Variants in CAP2 observed in about 807,000 individuals in gnomAD.
CAP2 encodes cyclase associated actin cytoskeleton regulatory protein 2.
In CAP2, 24 loss-of-function variants were observed where a neutral mutation model predicts 57.7. That is an observed-to-expected ratio of 0.42 (90% CI 0.30 to 0.58). The LOEUF (loss-of-function observed/expected upper bound fraction) is 0.58, where lower values mean the gene tolerates loss of function less well. Ranked by LOEUF, CAP2 falls within the 20% of genes least tolerant of loss-of-function variation. The pLI is 0.22. For missense variants in CAP2, 501 were observed against 590.3 expected, an observed-to-expected ratio of 0.85 and a Z score of 1.57; for synonymous variants, 194 against 207.2, an observed-to-expected ratio of 0.94 and a Z score of 0.55.
intron 1 of CAP2, among the ~76,000 whole-genome samples, chr6:17,404,290 G>C (rs1428750256): frequency 6.6e-6 from 1 of 152,078 alleles, no homozygotes; most frequent in African/African-American, 2.4e-5. Flanking sequence ...GGCCAACATA[G>C]TAAAACTCTA....
At chr6:17,475,405 T>C (rs1761128013) in intron 4 of CAP2, among the ~76,000 whole-genome samples, 1 of 152,094 alleles carries the variant, frequency 6.6e-6, no homozygotes, top group South Asian at 2.1e-4. Flanking sequence ...CTTGAAAGAG[T>C]ATTCCTTATG....
intron 1 of CAP2, among the ~76,000 whole-genome samples, chr6:17,398,607 C>T (rs1202243444): frequency 6.6e-6 from 1 of 151,514 alleles, no homozygotes; most frequent in Non-Finnish European, 1.5e-5. Flanking sequence ...TCACTGCAAG[C>T]TCTGCCTCCT....
chr6:17,480,881 T>TCTCCTGCCTCAGC (rs1383810937), intron 4 of CAP2, among the ~76,000 whole-genome samples: 3 of 150,894 alleles, frequency 2.0e-5, no homozygotes, highest in African/African-American at 4.9e-5. Context: ...TTCAAGTGAT[T>TCTCCTGCCTCAGC]CTCCTGCCTC....
chr6:17,512,202 C>A (rs533846118), intron 6 of CAP2, among the ~76,000 whole-genome samples: 6 of 152,054 alleles, frequency 3.9e-5, no homozygotes, highest in Admixed American at 1.3e-4. Flanking sequence ...CCAGCCTGGG[C>A]AACATAGTGA....
intron 3 of CAP2, among the ~76,000 whole-genome samples, chr6:17,431,080 T>G (rs1014773689): frequency 1.3e-5 from 2 of 152,114 alleles, no homozygotes; most frequent in Non-Finnish European, 2.9e-5. Flanking sequence ...ATGCTCTCAC[T>G]AATAAGTGGG....
intron 1 of CAP2, among the ~76,000 whole-genome samples, chr6:17,395,582 C>T (rs1295298937): frequency 1.3e-5 from 2 of 152,152 alleles, no homozygotes; most frequent in African/African-American, 4.8e-5. Flanking sequence ...TAATGGGCCA[C>T]ATTCTCTTGA....
chr6:17,453,594 G>T (rs1440781525), intron 3 of CAP2, among the ~76,000 whole-genome samples: 1 of 152,152 alleles, frequency 6.6e-6, no homozygotes, highest in Non-Finnish European at 1.5e-5. Context: ...AAAACCCCAT[G>T]CTAGGCTCAG....
chr6:17,522,881 G>A (rs1049901192), intron 7 of CAP2, among the ~76,000 whole-genome samples: 10 of 152,060 alleles, frequency 6.6e-5, no homozygotes, highest in Non-Finnish European at 1.5e-4. Context: ...TGCAACCTCC[G>A]CATTCTGGGT....
intron 1 of CAP2, among the ~76,000 whole-genome samples, chr6:17,395,027 TTAA>T (rs1354705414): frequency 4.6e-5 from 7 of 152,262 alleles, no homozygotes; most frequent in Admixed American, 4.6e-4. Flanking sequence ...TAAAAAATTC[TTAA>T]TAACATTACA....
At chr6:17,518,950 A>G (rs1036189921) in intron 7 of CAP2, among the ~76,000 whole-genome samples, 2 of 152,106 alleles carry the variant, frequency 1.3e-5, no homozygotes, top group African/African-American at 2.4e-5. Flanking sequence ...GAGGTTTTTC[A>G]AAAAAACCCA....
At chr6:17,407,392 C>T (rs930484512) in intron 1 of CAP2, among the ~76,000 whole-genome samples, 3 of 151,840 alleles carry the variant, frequency 2.0e-5, no homozygotes, top group African/African-American at 7.3e-5. Flanking sequence ...GTCAGGAGGA[C>T]CGCTTGAGCC....
rs529511874 is a variant in CAP2, at chr6:17,528,078, T to G, written c.637-11191T>G. On this transcript the variant is annotated intron_variant, in intron 7 of 12. Coordinates refer to ENST00000229922, the MANE Select transcript of CAP2 (RefSeq NM_006366.3). ...ACAGGCATTCTGTTTTTGACTTCAG[T>G]ACACTATTTAATAAATTACCTGAGA... Among the ~76,000 whole-genome samples, 57 of 152,364 alleles carry G rather than the reference T, an allele frequency of 3.7e-4. 1 individual carries two copies. The highest frequency in any genetic ancestry group is 4.7e-4 in the Non-Finnish European group (32 of 68,040).
At chr6:17,407,701 C>T (rs1759018417) in intron 1 of CAP2, among the ~76,000 whole-genome samples, 2 of 149,056 alleles carry the variant, frequency 1.3e-5, no homozygotes, top group South Asian at 4.3e-4. Context: ...ATCCCTTGAA[C>T]CTGGGAGGTG....
chr6:17,459,099 T>G (rs1022559), intron 3 of CAP2, among the ~76,000 whole-genome samples: 6,403 of 152,258 alleles, frequency 0.042, 438 homozygotes, highest in African/African-American at 0.14. Context: ...CATGGACTGC[T>G]TCTGTTTATA....
At chr6:17,554,138 G>A (rs963302679) in intron 12 of CAP2, among the ~76,000 whole-genome samples, 3 of 152,142 alleles carry the variant, frequency 2.0e-5, no homozygotes, top group Admixed American at 2.0e-4. Flanking sequence ...ACAGGGTCTT[G>A]CTCTGTTGAC....
chr6:17,444,365 G>A (rs759253966), intron 3 of CAP2, among the ~76,000 whole-genome samples: 8 of 152,144 alleles, frequency 5.3e-5, no homozygotes, highest in African/African-American at 7.2e-5. Context: ...TCAGCTAGGC[G>A]TGGTGGCTCA....
intron 4 of CAP2, among the ~76,000 whole-genome samples, chr6:17,505,164 TG>T (rs1306369499): frequency 6.6e-6 from 1 of 152,174 alleles, no homozygotes; most frequent in African/African-American, 2.4e-5. Flanking sequence ...GATTTATAGA[TG>T]AGGAAACTAA....
chr6:17,458,441 T>C (rs1270164013), intron 3 of CAP2, among the ~76,000 whole-genome samples: 1 of 152,232 alleles, frequency 6.6e-6, no homozygotes, highest in African/African-American at 2.4e-5. Flanking sequence ...AGCATTTTCT[T>C]CTCAGTGGGA....
intron 3 of CAP2, among the ~76,000 whole-genome samples, chr6:17,442,529 C>T (rs537927173): frequency 9.9e-5 from 15 of 152,258 alleles, no homozygotes; most frequent in African/African-American, 3.4e-4. Flanking sequence ...GATTGAGTCT[C>T]ACATGCATGA....
Sources: gnomAD v4.1 joint callset for allele counts (sites outside exome capture counted in the v4.1 genomes callset) on GRCh38, gnomAD v4.1.1 for gene constraint, MANE v1.5 for transcripts, NCBI Gene and HGNC (gene_info 2026-07-23, HGNC 2026-07-21) for gene names.